IQSEC1: variants seen among roughly 807,000 people sequenced by gnomAD.
The protein encoded by IQSEC1 is IQ motif and Sec7 domain ArfGEF 1.
Under a neutral mutation model 91.0 loss-of-function variants are expected in IQSEC1, and 31 were observed. The ratio of observed to expected loss-of-function variants is 0.34; its 90% CI spans 0.26 to 0.46. The LOEUF (loss-of-function observed/expected upper bound fraction) is 0.46, where lower values mean the gene tolerates loss of function less well. Among genes scored for constraint, IQSEC1 ranks in the 20% least tolerant of loss-of-function variants. IQSEC1 has a pLI of 1.00. For missense variants in IQSEC1, 1,388 were observed against 1,575.6 expected (o/e 0.88, Z 2.02); for synonymous variants, 699 against 662.6 (o/e 1.05, Z -0.84).
At chr3:13,095,025 G>A (rs1226576013) in intron 2 of IQSEC1, among the ~76,000 whole-genome samples, 1 of 151,902 alleles carries the variant, frequency 6.6e-6, no homozygotes, top group African/African-American at 2.4e-5. Flanking sequence ...AGCCACACCT[G>A]GGCAAACGCT....
At chr3:13,245,919 G>A (rs1016497822) in intron 1 of IQSEC1, among the ~76,000 whole-genome samples, 9 of 152,086 alleles carry the variant, frequency 5.9e-5, no homozygotes, top group Non-Finnish European at 1.3e-4. Flanking sequence ...CACTGCCGGG[G>A]AACCCAAACC....
chr3:13,193,630 G>A lies in IQSEC1; in HGVS notation c.273-29497C>T, dbSNP rs1471230007. ...AAGTATCATGAGTTCAGTTTGGGGTGTGCCAAGCTTAGGGGTCTAGAACAC... is the reference window on the plus strand; with the variant it reads ...AAGTATCATGAGTTCAGTTTGGGGTATGCCAAGCTTAGGGGTCTAGAACAC... On this transcript the variant is annotated intron_variant, in intron 1 of 15. Transcript: ENST00000648114. This position sits in a 1 kb window ranked among gnomAD's most constrained non-coding sequence, Gnocchi z 4.2. Among the ~76,000 whole-genome samples the A allele has an allele frequency of 6.6e-6, 1 of 152,190 alleles. No homozygotes were observed. The highest frequency in any genetic ancestry group is 1.9e-4 in the East Asian group (1 of 5,188).
intron 2 of IQSEC1, among the ~76,000 whole-genome samples, chr3:13,138,611 C>T: frequency 6.6e-6 from 1 of 152,134 alleles, no homozygotes; most frequent in Non-Finnish European, 1.5e-5. Flanking sequence ...TTGACTAACA[C>T]AGAGGCCAGG....
intron 1 of IQSEC1, among the ~76,000 whole-genome samples, chr3:13,196,780 G>A (rs928717108): frequency 1.4e-5 from 2 of 147,990 alleles, no homozygotes; most frequent in African/African-American, 5.2e-5. Context: ...GTGTGTGTGT[G>A]TGTGTGTGTG....
intron 1 of IQSEC1, among the ~76,000 whole-genome samples, chr3:13,277,517 G>A (rs991540766): frequency 7.2e-5 from 11 of 152,328 alleles, no homozygotes; most frequent in Non-Finnish European, 1.2e-4. Context: ...GAGAGCTTCG[G>A]AGACACACTC....
intron 1 of IQSEC1, among the ~76,000 whole-genome samples, chr3:13,165,537 C>T (rs184843): frequency 0.6 from 39,657 of 66,144 alleles, 9,838 homozygotes; most frequent in East Asian, 0.67. Flanking sequence ...GGGGGGGTGG[C>T]GTGTGTGTGT....
chr3:13,071,524 C>T (rs932759113), intron 1 of IQSEC1, among the ~76,000 whole-genome samples: 7 of 152,196 alleles, frequency 4.6e-5, no homozygotes, highest in African/African-American at 1.7e-4. Context: ...TCAGGAGGAC[C>T]TATTCCCAGC....
chr3:12,972,658 C>T (rs1057302601), intron 1 of IQSEC1, among the ~76,000 whole-genome samples: 2 of 152,204 alleles, frequency 1.3e-5, no homozygotes, highest in Non-Finnish European at 2.9e-5. Flanking sequence ...AGCCCCAAAT[C>T]CTCATTTTAC....
intron 1 of IQSEC1, among the ~76,000 whole-genome samples, chr3:12,953,745 T>C (rs1003812586): frequency 2.0e-5 from 3 of 152,180 alleles, no homozygotes; most frequent in Non-Finnish European, 4.4e-5. Context: ...TACAGCTCCG[T>C]CAGGCATCTA....
intron 2 of IQSEC1, among the ~76,000 whole-genome samples, chr3:13,117,694 G>C (rs1157892066): frequency 6.6e-6 from 1 of 151,078 alleles, no homozygotes; most frequent in Non-Finnish European, 1.5e-5. Flanking sequence ...AGACCAGCCT[G>C]GCCAATATGG....
intron 1 of IQSEC1, among the ~76,000 whole-genome samples, chr3:12,974,485 C>A (rs554077462): frequency 4.6e-5 from 7 of 152,328 alleles, no homozygotes; most frequent in Admixed American, 3.3e-4. Flanking sequence ...GACTGCCTCT[C>A]CCAAATCCAG....
chr3:12,922,010 G>T lies in IQSEC1; in HGVS notation c.1853+110C>A. On this transcript the variant is annotated intron_variant, in intron 5 of 13. Transcript: ENST00000613206. The surrounding 1 kb of genome is among the most constrained non-coding windows in gnomAD (Gnocchi z 5.1). ...CCCAAAGCAACATTCAGGGACACCT[G>T]GCCCTGTCTAGGGATGGTGGGGATG... The T allele has an allele frequency of 7.6e-7, 1 of 1,317,408 alleles. No individual in the cohort carries two copies. The highest frequency in any genetic ancestry group is 2.6e-5 in the East Asian group (1 of 37,902). The allele number at this position is 1,317,408 out of a possible 1,614,324, so 81.6% of individuals were successfully genotyped here. A position where few individuals can be genotyped will look rare whatever the true frequency, so the allele number is the denominator to read the frequency against.
rs562980936 is a variant in IQSEC1, at chr3:13,083,381, A to G, written c.303-35859T>C. 2.0e-5 allele frequency among the ~76,000 whole-genome samples: 3 copies of G among 152,326 alleles called. No homozygotes were observed. In the East Asian group the frequency reaches 5.8e-4, roughly 29 times the overall value. On this transcript the variant is annotated intron_variant, in intron 2 of 15. Transcript: ENST00000648114. ...GTGTGGCAGCAGATAACAACCGTGG[A>G]GTCAAGAAGACGGGGCTTCAAATTC...
rs73147223 is a variant in IQSEC1, at chr3:13,015,438, C to T, written c.23+57554G>A. The T allele has an allele frequency of 6.6e-4, 291 of 441,218 alleles. 1 individual carries two copies. Among genetic ancestry groups the T allele is most frequent in the African/African-American group, 5.6e-3 (262 of 46,794 alleles). 27.3% of individuals were successfully genotyped at this position (441,218 alleles called of 1,614,324 possible). On this transcript the variant is annotated intron_variant, in intron 1 of 13. Coordinates refer to ENST00000613206, the MANE Select transcript of IQSEC1 (RefSeq NM_001134382.3). ...GCAGTGAGAAACGGGTCACAGAATA[C>T]AGCTCTGAGAAACAGTGAAAACTCT...
chr3:13,063,981 C>T (rs1705154155), intron 1 of IQSEC1, among the ~76,000 whole-genome samples: 1 of 148,754 alleles, frequency 6.7e-6, no homozygotes, highest in Non-Finnish European at 1.5e-5. Flanking sequence ...TTGAGATAAT[C>T]GTAGATTCAT....
At position 12,900,589 on chromosome 3, in the gene IQSEC1, T is replaced by G; in HGVS notation, c.*394A>C. 3 of 1,017,662 alleles carry G rather than the reference T, an allele frequency of 2.9e-6. No homozygotes were observed. The highest frequency in any genetic ancestry group is 5.3e-5 in the Admixed American group (1 of 18,922). The allele number at this position is 1,017,662 out of a possible 1,614,324, so 63.0% of individuals were successfully genotyped here. A position where few individuals can be genotyped will look rare whatever the true frequency, so the allele number is the denominator to read the frequency against. On this transcript the variant is annotated 3_prime_UTR_variant, in exon 14 of 14. Coordinates refer to ENST00000613206, the MANE Select transcript of IQSEC1 (RefSeq NM_001134382.3). ...ATAATGCAGCAAGTTTTGGGGTTTG[T>G]TTTGTCTGTTTTTGTATCTCATTTC...
chr3:12,899,000 C>A lies in IQSEC1; in HGVS notation c.*1983G>T. 4.3e-6 allele frequency: 1 copy of A among 232,948 alleles called. No individual in the cohort carries two copies. The highest frequency in any genetic ancestry group is 6.0e-5 in the South Asian group (1 of 16,666). 14.4% of individuals were successfully genotyped at this position (232,948 alleles called of 1,614,324 possible). On this transcript the variant is annotated 3_prime_UTR_variant, in exon 14 of 14. Coordinates refer to ENST00000613206, the MANE Select transcript of IQSEC1 (RefSeq NM_001134382.3). ...ATGCTGTTTCTTTCTGAGCAGACAC[C>A]AAAGAAATGCCACGCCAATGGGAGG...
intron 2 of IQSEC1, among the ~76,000 whole-genome samples, chr3:13,137,096 G>A (rs1310490551): frequency 1.3e-5 from 2 of 152,070 alleles, no homozygotes. Context: ...TGATCCTGCC[G>A]CTGCACTCCA....
At chr3:13,020,925 G>A (rs946850205) in intron 1 of IQSEC1, among the ~76,000 whole-genome samples, 1 of 152,008 alleles carries the variant, frequency 6.6e-6, no homozygotes, top group Admixed American at 6.6e-5. Flanking sequence ...AAAGAAACAA[G>A]GAAAGAAGGA....
Sources: gnomAD v4.1 joint callset for allele counts (sites outside exome capture counted in the v4.1 genomes callset) on GRCh38, gnomAD v4.1.1 for gene constraint, Gnocchi (gnomAD v3.1) non-coding constraint, MANE v1.5 for transcripts, NCBI Gene and HGNC (gene_info 2026-07-23, HGNC 2026-07-21) for gene names.